The following COG3 variants were observed in gnomAD, a reference collection of about 807,000 sequenced individuals.
COG3 encodes component of oligomeric golgi complex 3.
A neutral mutation model predicts 114.1 loss-of-function variants in COG3; 32 were observed. That is an observed-to-expected ratio of 0.28 (90% CI 0.21 to 0.38). COG3 has a LOEUF of 0.38. Among genes scored for constraint, COG3 ranks in the 10% least tolerant of loss-of-function variants. The pLI is 1.00. For synonymous variants in COG3, 352 were observed against 365.7 expected, an observed-to-expected ratio of 0.96 and a Z score of 0.43; for missense variants, 813 against 973.2, an observed-to-expected ratio of 0.84 and a Z score of 2.19.
At chr13:45,534,041 C>T (rs1873387101) in intron 22 of COG3, among the ~76,000 whole-genome samples, 1 of 152,218 alleles carries the variant, frequency 6.6e-6, no homozygotes, top group Non-Finnish European at 1.5e-5. Context: ...AGCCATTTCC[C>T]TCCTATCACT....
rs538009116 is a variant in COG3 at position 45,465,068 on chromosome 13, A to AGGC, written c.41_43dup (p.Ala14dup). 567 of 1,597,348 alleles carry AGGC rather than the reference A, an allele frequency of 3.5e-4. 3 individuals carry two copies. In the African/African-American group the frequency reaches 6.4e-3, roughly 18 times the overall value. ...GAGGCGGCGCTGTTGCTGCTGCCTG[A>AGGC]GGCGGCGGCGGAGCGGGACGCTAGG... On this transcript the variant is annotated inframe_insertion, in exon 1 of 23. Coordinates refer to ENST00000349995, the MANE Select transcript of COG3 (RefSeq NM_031431.4).
At chr13:45,520,573 T>G (rs927504805) in intron 19 of COG3, among the ~76,000 whole-genome samples, 2 of 152,152 alleles carry the variant, frequency 1.3e-5, no homozygotes, top group Non-Finnish European at 2.9e-5. Flanking sequence ...AGACAGAAAA[T>G]ACGAGTTTTA....
intron 19 of COG3, among the ~76,000 whole-genome samples, chr13:45,521,577 G>GCACACACACACACACACACACA (rs3084002): frequency 6.7e-6 from 1 of 148,378 alleles, no homozygotes; most frequent in African/African-American, 2.5e-5. Context: ...ATACATACGT[G>GCACACACACACACACACACACA]CACACACACA....
intron 22 of COG3, chr13:45,531,951 T>G (rs1263068169): frequency 1.3e-5 from 2 of 152,180 alleles, no homozygotes; most frequent in African/African-American, 2.4e-5. Context: ...TTTTAGTATA[T>G]TCAGAAAGTT....
At chr13:45,469,026 A>C (rs1436781456) in intron 1 of COG3, among the ~76,000 whole-genome samples, 1 of 152,236 alleles carries the variant, frequency 6.6e-6, no homozygotes, top group Non-Finnish European at 1.5e-5. Context: ...TTGTTTTGCT[A>C]CTTTAAAAAA....
chr13:45,502,868 C>T (rs1385886347), intron 13 of COG3, among the ~76,000 whole-genome samples: 1 of 152,080 alleles, frequency 6.6e-6, no homozygotes, highest in Non-Finnish European at 1.5e-5. Context: ...ACTGTTAGGT[C>T]TTCATTTCTG....
Position 45,496,179 on chromosome 13 carries a change from G to A in COG3, c.1355G>A (p.Gly452Glu). The change falls in exon 13 of 23, where the codon GGA becomes GAA. Residue 452 changes from glycine to glutamate, a missense_variant. Around this residue, in one of 2 missense-constraint regions of COG3, gnomAD observed 389 missense variants for 542.6 expected, o/e 0.72. Transcript: ENST00000349995. ...GAGCAACTGGGGGCATTTGCAGCTG[G>A]AGTCAAGCAGATGTTAGAAGATGTA... ...NAEQLGAFAAGVKQMLEDVQE... is the reference protein window; with the variant it reads ...NAEQLGAFAAEVKQMLEDVQE... The A allele has an allele frequency of 1.9e-6, 3 of 1,609,842 alleles. No individual in the cohort carries two copies. Among genetic ancestry groups the A allele is most frequent in the Non-Finnish European group, 2.5e-6 (3 of 1,177,340 alleles).
intron 1 of COG3, among the ~76,000 whole-genome samples, chr13:45,475,900 G>A (rs1157512548): frequency 6.6e-6 from 1 of 151,702 alleles, no homozygotes; most frequent in Non-Finnish European, 1.5e-5. Context: ...TGGAGGCAGA[G>A]GTTACAGTGA....
At chr13:45,494,667 G>A (rs1170473131) in intron 12 of COG3, among the ~76,000 whole-genome samples, 1 of 151,872 alleles carries the variant, frequency 6.6e-6, no homozygotes, top group African/African-American at 2.4e-5. Context: ...TGAGACTACA[G>A]GTGCATGCCA....
chr13:45,513,243 T>TTATACATATAATA, intron 16 of COG3, among the ~76,000 whole-genome samples: 1 of 42,818 alleles, frequency 2.3e-5, no homozygotes, highest in Non-Finnish European at 5.3e-5. Flanking sequence ...TACATATAAA[T>TTATACATATAATA]TATACATATA....
intron 16 of COG3, among the ~76,000 whole-genome samples, chr13:45,514,328 T>G (rs1871304347): frequency 6.6e-6 from 1 of 152,070 alleles, no homozygotes; most frequent in Non-Finnish European, 1.5e-5. Flanking sequence ...GCCCAGCTAA[T>G]TTTTGCATTT....
intron 17 of COG3, 133 bp downstream of exon 17, chr13:45,516,396 G>C (rs754773095): frequency 2.9e-6 from 2 of 698,040 alleles, no homozygotes; most frequent in African/African-American, 3.6e-5. Context: ...TTATTTGTTC[G>C]TACTAAGCTG....
chr13:45,506,743 A>C (rs2137870304), intron 14 of COG3, among the ~76,000 whole-genome samples: 1 of 152,298 alleles, frequency 6.6e-6, no homozygotes, highest in African/African-American at 2.4e-5. Context: ...GAATAGTCAT[A>C]ATCACTTTTC....
At chr13:45,496,662 G>A (rs1266852126) in intron 13 of COG3, among the ~76,000 whole-genome samples, 2 of 151,950 alleles carry the variant, frequency 1.3e-5, no homozygotes, top group Non-Finnish European at 2.9e-5. Context: ...TTTCCTTCAA[G>A]TTATGTTTTT....
At chr13:45,532,399 T>C (rs923621556) in intron 22 of COG3, among the ~76,000 whole-genome samples, 4 of 152,094 alleles carry the variant, frequency 2.6e-5, no homozygotes, top group Admixed American at 2.0e-4. Context: ...TGATTTAATT[T>C]TGTTTCTTAA....
intron 20 of COG3, among the ~76,000 whole-genome samples, chr13:45,526,076 A>ATTTTTTTTTTTTTTTTTTTTTTTTTTT (rs386379016): frequency 1.8e-5 from 1 of 56,582 alleles, no homozygotes; most frequent in African/African-American, 7.1e-5. Flanking sequence ...CAAAATTTTA[A>ATTTTTTTTTTTTTTTTTTTTTTTTTTT]TTTTTTTTTT....
At chr13:45,499,304 A>G (rs1869203923) in intron 13 of COG3, among the ~76,000 whole-genome samples, 1 of 152,198 alleles carries the variant, frequency 6.6e-6, no homozygotes, top group African/African-American at 2.4e-5. Context: ...TTATAACACT[A>G]ATGCCATGAT....
chr13:45,492,323 A>G (rs1163325617), intron 11 of COG3, 73 bp downstream of exon 11: 2 of 772,806 alleles, frequency 2.6e-6, no homozygotes, highest in Non-Finnish European at 4.3e-6. Context: ...TCAGTATATT[A>G]TAGGAGTATT....
At chr13:45,471,050 A>G (rs1295370244) in intron 1 of COG3, among the ~76,000 whole-genome samples, 1 of 152,186 alleles carries the variant, frequency 6.6e-6, no homozygotes, top group East Asian at 1.9e-4. Flanking sequence ...GTACTACTTT[A>G]ATTAGTCACA....
Sources: gnomAD v4.1 joint callset for allele counts (sites outside exome capture counted in the v4.1 genomes callset) on GRCh38, gnomAD v4.1.1 for gene constraint, gnomAD v4.1.1 regional missense constraint, MANE v1.5 for transcripts, NCBI Gene and HGNC (gene_info 2026-07-23, HGNC 2026-07-21) for gene names.